Variants in JMY observed in about 807,000 individuals in gnomAD.
JMY encodes junction mediating and regulatory protein, p53 cofactor, also known as junction-mediating and -regulatory protein.
Under a neutral mutation model 103.3 loss-of-function variants are expected in JMY, and 46 were observed. The ratio of observed to expected loss-of-function variants is 0.45; its 90% CI spans 0.35 to 0.57. The LOEUF (loss-of-function observed/expected upper bound fraction) is 0.57. JMY is among the 20% of genes least tolerant of loss of function. JMY has a pLI of 0.00. For missense variants in JMY, 1,238 were observed against 1,255.2 expected (o/e 0.99, Z 0.21); for synonymous variants, 526 against 489.3 (o/e 1.07, Z -0.99).
intron 1 of JMY, among the ~76,000 whole-genome samples, chr5:79,273,126 A>G (rs1745835115): frequency 6.6e-6 from 1 of 152,240 alleles, no homozygotes; most frequent in Non-Finnish European, 1.5e-5. Flanking sequence ...TCCTACTAAT[A>G]TCATTTCCAG....
intron 1 of JMY, among the ~76,000 whole-genome samples, chr5:79,260,299 C>T (rs1214530472): frequency 6.6e-6 from 1 of 152,136 alleles, no homozygotes; most frequent in Non-Finnish European, 1.5e-5. Flanking sequence ...CAGTCAGGTG[C>T]CTCCAGGACA....
rs1455895395 is a variant in JMY at position 79,290,113 on chromosome 5, C to T, written c.1207-8C>T. ...GAACTTCTTAATTTTTTCTTTTTCTCTCTGAAGATTTCCATGGAGAATGAT... is the reference window on the plus strand; with the variant it reads ...GAACTTCTTAATTTTTTCTTTTTCTTTCTGAAGATTTCCATGGAGAATGAT... On this transcript the variant is annotated splice_region_variant and splice_polypyrimidine_tract_variant and intron_variant, in intron 2 of 10. Transcript: ENST00000396137. 1 of 1,559,336 alleles carries T rather than the reference C, an allele frequency of 6.4e-7. No individual in the cohort carries two copies. Among genetic ancestry groups the T allele is most frequent in the Admixed American group, 2.0e-5 (1 of 48,870 alleles).
At chr5:79,259,582 G>A (rs928203760) in intron 1 of JMY, among the ~76,000 whole-genome samples, 1 of 152,194 alleles carries the variant, frequency 6.6e-6, no homozygotes, top group Admixed American at 6.5e-5. Context: ...GTGGGCCAGC[G>A]CTGAGCTGCC....
intron 1 of JMY, among the ~76,000 whole-genome samples, chr5:79,275,518 A>G (rs892946082): frequency 6.6e-6 from 1 of 152,062 alleles, no homozygotes; most frequent in African/African-American, 2.4e-5. Context: ...ACTGGGGCAC[A>G]CCCTCAGGCT....
intron 4 of JMY, among the ~76,000 whole-genome samples, chr5:79,294,598 T>C (rs2112101894): frequency 6.6e-6 from 1 of 152,228 alleles, no homozygotes; most frequent in African/African-American, 2.4e-5. Flanking sequence ...GGCTTATGCC[T>C]GTAATCCTAG....
intron 7 of JMY, among the ~76,000 whole-genome samples, chr5:79,310,803 G>T (rs991476527): frequency 6.0e-5 from 9 of 149,898 alleles, no homozygotes; most frequent in African/African-American, 2.3e-4. Context: ...CCCCATTAAA[G>T]AATGAACTCT....
chr5:79,312,178 A>C (rs191141601), intron 7 of JMY, among the ~76,000 whole-genome samples: 70 of 152,268 alleles, frequency 4.6e-4, no homozygotes, highest in Admixed American at 2.9e-3. Flanking sequence ...AGCAGCTAGA[A>C]GTATTTTACA....
Position 79,277,958 on chromosome 5 carries a change from T to C in JMY, c.1081T>C (p.Leu361=). ...AGAGAGCATGGTGGAGCTTCTGGAC[T>C]TGTATCAGATGGAGGATGAAGCCTA... ...NTESMVELLD[L]YQMEDEAYSS... The change falls in exon 2 of 11, where the codon TTG becomes CTG. Residue 361 remains leucine, a synonymous_variant. Coordinates refer to ENST00000396137, the MANE Select transcript of JMY (RefSeq NM_152405.5). The C allele has an allele frequency of 6.2e-7, 1 of 1,614,044 alleles. No individual in the cohort carries two copies. The highest frequency in any genetic ancestry group is 8.5e-7 in the Non-Finnish European group (1 of 1,179,952).
intron 8 of JMY, among the ~76,000 whole-genome samples, chr5:79,313,426 A>G (rs1747111029): frequency 6.6e-6 from 1 of 152,270 alleles, no homozygotes; most frequent in Non-Finnish European, 1.5e-5. Flanking sequence ...CTCAAAAACA[A>G]ACAAACAAAC....
At chr5:79,270,109 T>C (rs1371289060) in intron 1 of JMY, among the ~76,000 whole-genome samples, 1 of 152,032 alleles carries the variant, frequency 6.6e-6, no homozygotes, top group Non-Finnish European at 1.5e-5. Flanking sequence ...AGAGACAGTT[T>C]TACTGCTTCC....
chr5:79,270,549 T>TATATTTACATAAATATTTAAAATGC lies in JMY; in HGVS notation c.1033-7337_1033-7336insCATATTTACATAAATATTTAAAATG, dbSNP rs1303993549. ...TATATTTACATAAATATTTAAAATGTATATTTACATAAATATTTAAAATGT... is the reference window on the plus strand; with the variant it reads ...TATATTTACATAAATATTTAAAATGTATATTTACATAAATATTTAAAATGCATATTTACATAAATATTTAAAATGT... On this transcript the variant is annotated intron_variant, in intron 1 of 10. Coordinates refer to ENST00000396137, the MANE Select transcript of JMY (RefSeq NM_152405.5). 2.3e-5 allele frequency among the ~76,000 whole-genome samples: 3 copies of TATATTTACATAAATATTTAAAATGC among 130,164 alleles called. 1 individual carries two copies. The highest frequency in any genetic ancestry group is 8.2e-5 in the African/African-American group (3 of 36,448). The allele number at this position is 130,164 out of a possible 152,430, so 85.4% of individuals were successfully genotyped here. A position where few individuals can be genotyped will look rare whatever the true frequency, so the allele number is the denominator to read the frequency against.
In JMY at chr5:79,286,854, G is replaced by A. The variant is rs1043524707; in HGVS notation, c.1207-3267G>A. On this transcript the variant is annotated intron_variant, in intron 2 of 10. Coordinates refer to ENST00000396137, the MANE Select transcript of JMY (RefSeq NM_152405.5). ...TCTAATATAAAGAATTTGTTAATTA[G>A]GTATAAAGTTGTTAACCAGATAATT... is the stretch of plus-strand genomic sequence containing the variant. Among the ~76,000 whole-genome samples, 19 of 152,176 alleles carry A rather than the reference G, an allele frequency of 1.2e-4. No homozygotes were observed. The East Asian group carries it at 3.1e-3, about 25-fold the overall frequency.
At chr5:79,312,614 A>T in intron 8 of JMY, 116 bp downstream of exon 8, 2 of 476,942 alleles carry the variant, frequency 4.2e-6, no homozygotes. Context: ...TTATTTATAA[A>T]CTATTATAAC....
intron 1 of JMY, among the ~76,000 whole-genome samples, chr5:79,270,899 G>C (rs1580345073): frequency 6.6e-6 from 1 of 151,642 alleles, no homozygotes; most frequent in African/African-American, 2.4e-5. Context: ...GATTTTTCTT[G>C]TTTAGCCTGT....
rs548624860 is a variant in JMY at position 79,292,507 on chromosome 5, G to A, written c.1527+1208G>A. 2.2e-4 allele frequency among the ~76,000 whole-genome samples: 33 copies of A among 152,104 alleles called. No individual in the cohort carries two copies. In the East Asian group the frequency reaches 5.6e-3, roughly 26 times the overall value. On this transcript the variant is annotated intron_variant, in intron 4 of 10. Transcript: ENST00000396137. ...ATTTATTTACTTATTTTTTTGTAGA[G>A]ACGAGGTCTCCCTATATTGCCCAGG...
intron 1 of JMY, among the ~76,000 whole-genome samples, chr5:79,273,989 C>T (rs1225411564): frequency 2.0e-5 from 3 of 152,030 alleles, no homozygotes; most frequent in Non-Finnish European, 4.4e-5. Flanking sequence ...CGCCACCATG[C>T]CTGGCTAATT....
intron 1 of JMY, among the ~76,000 whole-genome samples, chr5:79,251,893 G>C (rs978267682): frequency 2.0e-5 from 3 of 152,128 alleles, no homozygotes; most frequent in Admixed American, 6.5e-5. Flanking sequence ...TTCTGCCTCA[G>C]CCTCCCGAGT....
chr5:79,298,021 TGACAGC>T (rs1181203477), intron 4 of JMY, among the ~76,000 whole-genome samples: 2 of 152,222 alleles, frequency 1.3e-5, no homozygotes, highest in African/African-American at 4.8e-5. Context: ...TTGAGAAAGC[TGACAGC>T]GTAAAGGCAT....
At chr5:79,319,488 G>C (rs1195569532) in intron 10 of JMY, among the ~76,000 whole-genome samples, 1 of 152,258 alleles carries the variant, frequency 6.6e-6, no homozygotes, top group South Asian at 2.1e-4. Flanking sequence ...AGACTAAAAG[G>C]CTGTGAACTT....
Sources: gnomAD v4.1 joint callset for allele counts (sites outside exome capture counted in the v4.1 genomes callset) on GRCh38, gnomAD v4.1.1 for gene constraint, MANE v1.5 for transcripts, NCBI Gene and HGNC (gene_info 2026-07-23, HGNC 2026-07-21) for gene names.